LRRC3B: variants seen among roughly 807,000 people sequenced by gnomAD.
LRRC3B encodes the protein leucine-rich repeat-containing protein 3B.
In LRRC3B, 2 loss-of-function variants were observed where a neutral mutation model predicts 12.8. The observed-to-expected ratio is 0.16, with a 90% CI of 0.06 to 0.49. The LOEUF (loss-of-function observed/expected upper bound fraction) is 0.49. LRRC3B is among the 20% of genes least tolerant of loss of function. The pLI is 0.96. For missense variants in LRRC3B, 189 were observed against 319.4 expected (o/e 0.59, Z 3.11); for synonymous variants, 132 against 122.0 (o/e 1.08, Z -0.54).
At chr3:26,707,930 C>T (rs1700643312) in intron 1 of LRRC3B, among the ~76,000 whole-genome samples, 1 of 152,146 alleles carries the variant, frequency 6.6e-6, no homozygotes, top group African/African-American at 2.4e-5. Flanking sequence ...CTTTAGCATT[C>T]TCTGGTATTT....
chr3:26,644,942 A>G (rs1699111193), intron 1 of LRRC3B, among the ~76,000 whole-genome samples: 3 of 152,196 alleles, frequency 2.0e-5, no homozygotes, highest in Admixed American at 6.5e-5. Flanking sequence ...ATATACACAT[A>G]TACATATGCA....
rs186312003 is a variant in LRRC3B at position 26,681,672 on chromosome 3, A to C, written c.-160-27841A>C. Among the ~76,000 whole-genome samples the C allele has an allele frequency of 2.1e-3, 315 of 152,352 alleles. 1 individual carries two copies. In the South Asian group the frequency reaches 0.03, roughly 15 times the overall value. On this transcript the variant is annotated intron_variant, in intron 1 of 1. Transcript: ENST00000396641. Reference sequence around the variant, plus strand: ...CCCAAATAAGGGCCGAATAAATGTCAGCCACTACAATTATAATAATTATTC... The same window carrying C: ...CCCAAATAAGGGCCGAATAAATGTCCGCCACTACAATTATAATAATTATTC...
chr3:26,679,773 G>C (rs961898422), intron 1 of LRRC3B, among the ~76,000 whole-genome samples: 1 of 152,192 alleles, frequency 6.6e-6, no homozygotes, highest in Non-Finnish European at 1.5e-5. Context: ...CTTGTCTGTT[G>C]TGTTCTCTGC....
intron 1 of LRRC3B, among the ~76,000 whole-genome samples, chr3:26,640,518 T>A (rs1699008326): frequency 6.6e-6 from 1 of 151,958 alleles, no homozygotes; most frequent in East Asian, 1.9e-4. Context: ...AAGAATTTGC[T>A]AATCCCAGCC....
chr3:26,645,276 T>C (rs1041220540), intron 1 of LRRC3B, among the ~76,000 whole-genome samples: 3 of 152,184 alleles, frequency 2.0e-5, no homozygotes, highest in African/African-American at 7.2e-5. Context: ...CTAAAGAGGA[T>C]GTTTACATTG....
intron 1 of LRRC3B, among the ~76,000 whole-genome samples, chr3:26,700,813 A>AT (rs1305952696): frequency 6.6e-6 from 1 of 152,190 alleles, no homozygotes; most frequent in Non-Finnish European, 1.5e-5. Context: ...TGCCTCTGTC[A>AT]TTTAGCTGTA....
chr3:26,662,782 C>T (rs560585086), intron 1 of LRRC3B, among the ~76,000 whole-genome samples: 1 of 152,218 alleles, frequency 6.6e-6, no homozygotes, highest in East Asian at 1.9e-4. Context: ...CTTTAGTGAA[C>T]AGTCTTTTCT....
At chr3:26,681,214 C>G (rs778809629) in intron 1 of LRRC3B, among the ~76,000 whole-genome samples, 8 of 152,034 alleles carry the variant, frequency 5.3e-5, no homozygotes, top group Non-Finnish European at 7.4e-5. Context: ...AATGCGAATC[C>G]TTTGGGATCA....
chr3:26,624,777 C>T (rs1251283308), intron 1 of LRRC3B: 4 of 152,452 alleles, frequency 2.6e-5, no homozygotes, highest in African/African-American at 4.8e-5. Flanking sequence ...CAGGTAGATT[C>T]TTCTTGTGGC....
intron 1 of LRRC3B, among the ~76,000 whole-genome samples, chr3:26,626,910 G>A (rs1698639124): frequency 6.6e-6 from 1 of 152,132 alleles, no homozygotes; most frequent in Non-Finnish European, 1.5e-5. Context: ...AGGTATTTGT[G>A]AAAATAACAG....
At chr3:26,676,291 T>G (rs1448109305) in intron 1 of LRRC3B, among the ~76,000 whole-genome samples, 1 of 144,358 alleles carries the variant, frequency 6.9e-6, no homozygotes, top group Non-Finnish European at 1.5e-5. Context: ...TGTCCATGTG[T>G]TCTCATTGTT....
intron 1 of LRRC3B, among the ~76,000 whole-genome samples, chr3:26,629,083 G>A (rs763795817): frequency 1.3e-5 from 2 of 152,116 alleles, no homozygotes; most frequent in Non-Finnish European, 2.9e-5. Context: ...ATTTAAAAAT[G>A]TGAAGCTATT....
chr3:26,679,913 A>C (rs1044313041), intron 1 of LRRC3B, among the ~76,000 whole-genome samples: 1 of 152,230 alleles, frequency 6.6e-6, no homozygotes, highest in African/African-American at 2.4e-5. Context: ...GGTGTGTCAC[A>C]TAACAGAGAA....
At chr3:26,662,016 C>T (rs1699501515) in intron 1 of LRRC3B, among the ~76,000 whole-genome samples, 1 of 152,154 alleles carries the variant, frequency 6.6e-6, no homozygotes, top group Non-Finnish European at 1.5e-5. Context: ...TGGGGCTCCT[C>T]TGAGAAATCT....
At chr3:26,634,021 C>T (rs1698813964) in intron 1 of LRRC3B, among the ~76,000 whole-genome samples, 1 of 152,140 alleles carries the variant, frequency 6.6e-6, no homozygotes, top group Non-Finnish European at 1.5e-5. Flanking sequence ...CAAAATAAAA[C>T]ACATATGCAG....
intron 1 of LRRC3B, among the ~76,000 whole-genome samples, chr3:26,690,005 C>T (rs528414779): frequency 1.1e-4 from 16 of 152,318 alleles, no homozygotes; most frequent in Non-Finnish European, 8.8e-5. Context: ...GGAGACCCCA[C>T]CTGGTTCCCC....
intron 1 of LRRC3B, among the ~76,000 whole-genome samples, chr3:26,660,717 T>TA (rs1010565764): frequency 3.3e-5 from 5 of 151,986 alleles, no homozygotes; most frequent in South Asian, 2.1e-4. Flanking sequence ...ATTACTGATG[T>TA]AAAAAAAATC....
chr3:26,677,411 G>A (rs1225075155), intron 1 of LRRC3B, among the ~76,000 whole-genome samples: 1 of 152,198 alleles, frequency 6.6e-6, no homozygotes, highest in African/African-American at 2.4e-5. Flanking sequence ...CCAGGCAGGA[G>A]GCAGGTGTTC....
intron 1 of LRRC3B, among the ~76,000 whole-genome samples, chr3:26,666,497 A>G (rs991531664): frequency 2.6e-5 from 4 of 152,114 alleles, no homozygotes; most frequent in African/African-American, 7.2e-5. Context: ...CTTTGTACCT[A>G]TTATCTCAAC....
Sources: gnomAD v4.1 joint callset for allele counts (sites outside exome capture counted in the v4.1 genomes callset) on GRCh38, gnomAD v4.1.1 for gene constraint, MANE v1.5 for transcripts, NCBI Gene and HGNC (gene_info 2026-07-23, HGNC 2026-07-21) for gene names.